Variants in TUBA4B observed in about 807,000 individuals in gnomAD.
The protein encoded by TUBA4B is tubulin alpha 4b, also known as tubulin-like protein alpha-4B.
TUBA4B carries 13 observed loss-of-function variants against 18.4 expected under a neutral mutation model. The observed-to-expected ratio is 0.71, with a 90% CI of 0.46 to 1.12. TUBA4B has a LOEUF of 1.12. TUBA4B is among the 50% of genes most tolerant of loss of function. The probability of loss-of-function intolerance (pLI) is 0.00; values close to 1 mark genes in which losing one functional copy is unlikely to be tolerated. For missense variants in TUBA4B, 244 were observed against 250.0 expected (o/e 0.98, Z 0.16); for synonymous variants, 101 against 99.1 (o/e 1.02, Z -0.11).
intron 1 of TUBA4B, chr2:219,266,248 C>A (rs1017465551): frequency 9.7e-6 from 4 of 410,838 alleles, no homozygotes; most frequent in Non-Finnish European, 1.3e-5. Flanking sequence ...AATGGGATTG[C>A]GTGACTGACA....
chr2:219,264,020 TC>T (rs1254732843), intron 1 of TUBA4B, among the ~76,000 whole-genome samples: 2 of 152,094 alleles, frequency 1.3e-5, no homozygotes, highest in African/African-American at 4.8e-5. Flanking sequence ...TGTACAACAG[TC>T]CCCCCTTACT....
rs1343576372 is a variant in TUBA4B at position 219,259,175 on chromosome 2, C to T, written c.12+5756C>T. ...ATAAATAAATAAATAAATAAATTAT[C>T]CGGGCATGGTGGCAGGCACCTGAAA... On this transcript the variant is annotated intron_variant, in intron 1 of 3. Coordinates refer to ENST00000490341, the MANE Select transcript of TUBA4B (RefSeq NM_001355221.1). 4.0e-5 allele frequency among the ~76,000 whole-genome samples: 6 copies of T among 150,192 alleles called. No individual in the cohort carries two copies. In the East Asian group the frequency reaches 1.2e-3, roughly 29 times the overall value.
chr2:219,265,091 T>C (rs1951782328), intron 1 of TUBA4B, among the ~76,000 whole-genome samples: 1 of 152,104 alleles, frequency 6.6e-6, no homozygotes, highest in Admixed American at 6.5e-5. Flanking sequence ...GCCATGGAAC[T>C]GAAGACTGGG....
At chr2:219,259,688 C>T (rs929078422) in intron 1 of TUBA4B, among the ~76,000 whole-genome samples, 1 of 152,140 alleles carries the variant, frequency 6.6e-6, no homozygotes, top group African/African-American at 2.4e-5. Context: ...TGACCCCTTC[C>T]CAGGGTCTCA....
Position 219,253,288 on chromosome 2 carries a change from C to G in TUBA4B, c.-120C>G. On this transcript the variant is annotated 5_prime_UTR_variant, in exon 1 of 4. Coordinates refer to ENST00000490341, the MANE Select transcript of TUBA4B (RefSeq NM_001355221.1). ...CCGGGCTTCGGCTGGAGAGGGCCAG[C>G]TCGCTTCAGGAGGCCGAACCCCGTT... is the stretch of plus-strand genomic sequence containing the variant. 6.6e-7 allele frequency: 1 copy of G among 1,506,074 alleles called. No homozygotes were observed. Among genetic ancestry groups the G allele is most frequent in the Non-Finnish European group, 8.9e-7 (1 of 1,129,752 alleles). The allele number at this position is 1,506,074 out of a possible 1,614,324, so 93.3% of individuals were successfully genotyped here.
chr2:219,270,378 G>A (rs1332503956), intron 3 of TUBA4B, 43 bp downstream of exon 3: 1 of 704,286 alleles, frequency 1.4e-6, no homozygotes, highest in East Asian at 2.7e-5. Flanking sequence ...AATGAATCTG[G>A]ATTCCTGTTG....
chr2:219,255,234 TTTTA>T (rs1420575758), intron 1 of TUBA4B, among the ~76,000 whole-genome samples: 1 of 152,156 alleles, frequency 6.6e-6, no homozygotes, highest in Non-Finnish European at 1.5e-5. Flanking sequence ...GCCCAGCTTA[TTTTA>T]TTTATTTATC....
rs748394934 is a variant in TUBA4B, at chr2:219,271,503, T to A, written c.530T>A (p.Ile177Asn). 14 of 1,614,080 alleles carry A rather than the reference T, an allele frequency of 8.7e-6. No homozygotes were observed. Among genetic ancestry groups the A allele is most frequent in the African/African-American group, 1.3e-5 (1 of 74,916 alleles). Reference sequence around the variant, plus strand: ...CTCATTAGCCAAATTGTCTCCTCCATCACAGCTTCTCTGCGCTTTGACGGG... The same window carrying A: ...CTCATTAGCCAAATTGTCTCCTCCAACACAGCTTCTCTGCGCTTTGACGGG... ...NRLISQIVSS[I>N]TASLRFDGAL... Residue 177 changes from isoleucine (I) to asparagine (N), a missense_variant, in exon 4 of 4, where the codon ATC (isoleucine) becomes AAC (asparagine). Physicochemically the swap from Ile to Asn is moderately radical, Grantham distance 149. Coordinates refer to ENST00000490341, the MANE Select transcript of TUBA4B (RefSeq NM_001355221.1).
In TUBA4B at chr2:219,272,144, T is replaced by G; in HGVS notation, c.*445T>G. On this transcript the variant is annotated 3_prime_UTR_variant, in exon 4 of 4. Transcript: ENST00000490341. ...AAGAAAAGATAGGGGGGATGAATAC[T>G]AGGGGAATACTGTGTGTCTGTCCTA... is the stretch of plus-strand genomic sequence containing the variant. 4.8e-6 allele frequency: 3 copies of G among 627,970 alleles called. No individual in the cohort carries two copies. Among genetic ancestry groups the G allele is most frequent in the East Asian group, 4.5e-5 (1 of 22,348 alleles). The allele number at this position is 627,970 out of a possible 1,614,324, so 38.9% of individuals were successfully genotyped here. A position where few individuals can be genotyped will look rare whatever the true frequency, so the allele number is the denominator to read the frequency against.
Position 219,253,279 on chromosome 2 carries a change from G to A in TUBA4B, c.-129G>A, listed in dbSNP as rs1166030057. 4 of 1,499,250 alleles carry A rather than the reference G, an allele frequency of 2.7e-6. No homozygotes were observed. Among genetic ancestry groups the A allele is most frequent in the Middle Eastern group, 1.9e-4 (1 of 5,394 alleles). The allele number at this position is 1,499,250 out of a possible 1,614,324, so 92.9% of individuals were successfully genotyped here. ...TCCGCGCACCCGGGCTTCGGCTGGA[G>A]AGGGCCAGCTCGCTTCAGGAGGCCG... On this transcript the variant is annotated 5_prime_UTR_variant, in exon 1 of 4. Coordinates refer to ENST00000490341, the MANE Select transcript of TUBA4B (RefSeq NM_001355221.1).
chr2:219,257,110 C>T (rs1328077990), intron 1 of TUBA4B, among the ~76,000 whole-genome samples: 1 of 138,260 alleles, frequency 7.2e-6, no homozygotes, highest in African/African-American at 2.7e-5. Flanking sequence ...GTGGCGCGAT[C>T]TCGGCTCACT....
chr2:219,257,983 GTTTTTTT>G (rs1025891775), intron 1 of TUBA4B, among the ~76,000 whole-genome samples: 3 of 94,174 alleles, frequency 3.2e-5, no homozygotes, highest in African/African-American at 4.5e-5. Flanking sequence ...CATTTTGGGT[GTTTTTTT>G]TTTTTTTTTT....
At chr2:219,267,753 C>G (rs138936397) in intron 2 of TUBA4B, among the ~76,000 whole-genome samples, 183 of 152,174 alleles carry the variant, frequency 1.2e-3, no homozygotes, top group African/African-American at 4.3e-3. Context: ...TGAGTAGAGA[C>G]AAGGTTTCAC....
chr2:219,271,144 TC>T (rs1422345370), intron 3 of TUBA4B, 21 bp from the exon 4 acceptor site: 3 of 777,558 alleles, frequency 3.9e-6, no homozygotes, highest in East Asian at 2.5e-5. Context: ...GCCCCACATT[TC>T]CCCTCCCCTT....
At chr2:219,259,168 AAATT>A (rs1403500353) in intron 1 of TUBA4B, among the ~76,000 whole-genome samples, 33 of 121,550 alleles carry the variant, frequency 2.7e-4, no homozygotes, top group South Asian at 1.0e-3. Flanking sequence ...ATAAATAAAT[AAATT>A]ATCCGGGCAT....
At chr2:219,270,749 G>A (rs1056811211) in intron 3 of TUBA4B, among the ~76,000 whole-genome samples, 1 of 143,176 alleles carries the variant, frequency 7.0e-6, no homozygotes, top group South Asian at 2.1e-4. Context: ...ATGGGGATGA[G>A]GTTCCTGGAT....
chr2:219,270,222 C>T lies in TUBA4B; in HGVS notation c.79C>T (p.His27Tyr), dbSNP rs1322805739. Residue 27 changes from histidine (H) to tyrosine (Y), a missense_variant, in exon 3 of 4, where the codon CAT becomes TAT. By Grantham distance (83) the His-to-Tyr change is moderately conservative. Coordinates refer to ENST00000490341, the MANE Select transcript of TUBA4B (RefSeq NM_001355221.1). The stretch of plus-strand genomic sequence containing the variant: ...AACAGGCACATACCGCCAGATCTTC[C>T]ATCCAGAGCAGCTCATCACAGGCAA... Reference protein sequence around the residue: ...RQHGTYRQIFHPEQLITGKED... With the variant: ...RQHGTYRQIFYPEQLITGKED... The T allele has an allele frequency of 3.9e-6, 3 of 762,052 alleles. No individual in the cohort carries two copies. The East Asian group carries it at 7.3e-5, about 19-fold the overall frequency. 47.2% of individuals were successfully genotyped at this position (762,052 alleles called of 1,614,324 possible).
At chr2:219,257,824 A>AAT (rs1553572054) in intron 1 of TUBA4B, among the ~76,000 whole-genome samples, 2 of 149,868 alleles carry the variant, frequency 1.3e-5, no homozygotes, top group African/African-American at 4.9e-5. Flanking sequence ...TCAAAAAAAA[A>AAT]ATATATATAT....
chr2:219,260,659 C>T (rs1438162447), intron 1 of TUBA4B, among the ~76,000 whole-genome samples: 2 of 152,174 alleles, frequency 1.3e-5, no homozygotes, highest in Non-Finnish European at 1.5e-5. Context: ...TGATCATCTT[C>T]CTTCCAAGTG....
Sources: allele counts gnomAD v4.1 joint callset (sites outside exome capture counted in the v4.1 genomes callset), GRCh38; gene constraint gnomAD v4.1.1; transcripts MANE v1.5; gene names NCBI Gene and HGNC (gene_info 2026-07-23, HGNC 2026-07-21).